Variants in ZNF664 observed in about 807,000 individuals in gnomAD.
The protein encoded by ZNF664 is zinc finger Organ of Corti 1.
ZNF664 carries 10 observed loss-of-function variants against 18.2 expected under a neutral mutation model. The ratio of observed to expected loss-of-function variants is 0.55; its 90% CI spans 0.34 to 0.93. ZNF664 has a LOEUF of 0.93. ZNF664 is among the 40% of genes least tolerant of loss of function. The pLI is 0.02. For missense variants in ZNF664, 193 were observed against 319.0 expected, an observed-to-expected ratio of 0.61 and a Z score of 3.01; for synonymous variants, 119 against 104.2, an observed-to-expected ratio of 1.14 and a Z score of -0.86.
chr12:123,982,952 T>G lies in ZNF664; in HGVS notation c.-756-5091T>G, dbSNP rs150030050. ...GGCAGATGGCTTGAGGCTGGGAGTT[T>G]GAGACCAGCCTGGGCAACATGGCAA... On this transcript the variant is annotated intron_variant, in intron 2 of 4. Transcript: ENST00000337815. Among the ~76,000 whole-genome samples, 11 of 152,200 alleles carry G rather than the reference T, an allele frequency of 7.2e-5. No homozygotes were observed. In the East Asian group the frequency reaches 2.1e-3, roughly 29 times the overall value.
chr12:123,988,778 C>G (rs1282297965), intron 3 of ZNF664, among the ~76,000 whole-genome samples: 1 of 150,926 alleles, frequency 6.6e-6, no homozygotes. Flanking sequence ...TTTTTTTTCC[C>G]TTCTTTGGCT....
At chr12:124,009,993 C>T (rs7307053) in intron 3 of ZNF664, among the ~76,000 whole-genome samples, 45,886 of 151,586 alleles carry the variant, frequency 0.3, 7,084 homozygotes, top group Middle Eastern at 0.34. Flanking sequence ...ATACTCGACT[C>T]GGCTAGTTCC....
chr12:123,988,190 A>T, intron 3 of ZNF664, 52 bp downstream of exon 3: 1 of 1,230,168 alleles, frequency 8.1e-7, no homozygotes, highest in Non-Finnish European at 1.0e-6. Context: ...ATCCCCCTTG[A>T]GTATTTTAAG....
At chr12:124,004,793 A>G (rs1957052122) in intron 3 of ZNF664, 1 of 152,714 alleles carries the variant, frequency 6.5e-6, no homozygotes, top group Admixed American at 6.5e-5. Flanking sequence ...CCTGTTGTAA[A>G]CTGTACACGC....
intron 3 of ZNF664, among the ~76,000 whole-genome samples, chr12:124,008,584 TTC>T (rs1957099727): frequency 6.6e-6 from 1 of 152,242 alleles, no homozygotes; most frequent in African/African-American, 2.4e-5. Flanking sequence ...GGATAGATGC[TTC>T]TCTCCATTTA....
At chr12:123,977,125 AGTG>A (rs1451241938) in intron 2 of ZNF664, among the ~76,000 whole-genome samples, 1 of 152,202 alleles carries the variant, frequency 6.6e-6, no homozygotes, top group Non-Finnish European at 1.5e-5. Context: ...ATTTTTAAGA[AGTG>A]GGGATAAATA....
At chr12:124,008,472 T>C (rs1957098723) in intron 3 of ZNF664, among the ~76,000 whole-genome samples, 1 of 152,234 alleles carries the variant, frequency 6.6e-6, no homozygotes, top group Non-Finnish European at 1.5e-5. Context: ...GCCGCTTTTT[T>C]CACCCATTGC....
At chr12:123,975,466 C>T (rs1261040914) in intron 2 of ZNF664, among the ~76,000 whole-genome samples, 4 of 150,870 alleles carry the variant, frequency 2.7e-5, no homozygotes, top group African/African-American at 7.3e-5. Context: ...TTTCTGTTGC[C>T]GTGGCTGGAG....
chr12:123,974,764 G>A (rs1309664292), intron 2 of ZNF664, among the ~76,000 whole-genome samples: 2 of 152,186 alleles, frequency 1.3e-5, no homozygotes, highest in African/African-American at 2.4e-5. Flanking sequence ...TTCAATGTTA[G>A]CATGTAATGC....
At chr12:124,006,437 T>C (rs1306778325) in intron 3 of ZNF664, among the ~76,000 whole-genome samples, 1 of 152,244 alleles carries the variant, frequency 6.6e-6, no homozygotes, top group Non-Finnish European at 1.5e-5. Flanking sequence ...CGTCTTCAGG[T>C]TCCCCTTTCT....
chr12:123,985,701 T>G (rs1396266542), intron 2 of ZNF664, among the ~76,000 whole-genome samples: 1 of 152,210 alleles, frequency 6.6e-6, no homozygotes, highest in African/African-American at 2.4e-5. Context: ...GGCGTACAGT[T>G]TAAGCATACA....
At chr12:124,000,872 CCT>C (rs1049568682) in intron 3 of ZNF664, among the ~76,000 whole-genome samples, 3 of 152,136 alleles carry the variant, frequency 2.0e-5, no homozygotes, top group Admixed American at 6.5e-5. Flanking sequence ...ATTCCCTCCC[CCT>C]GTTTAAGTTA....
intron 2 of ZNF664, among the ~76,000 whole-genome samples, chr12:123,985,752 AAACACGTCCGCTGCTGTGGGACT>A (rs1018620562): frequency 6.6e-6 from 1 of 152,196 alleles, no homozygotes; most frequent in African/African-American, 2.4e-5. Flanking sequence ...GCTTAGGCCC[AAACACGTCCGCTGCTGTGGGACT>A]GGTGCGAAGA....
At chr12:123,982,884 G>A (rs974860171) in intron 2 of ZNF664, among the ~76,000 whole-genome samples, 1 of 152,220 alleles carries the variant, frequency 6.6e-6, no homozygotes, top group Non-Finnish European at 1.5e-5. Flanking sequence ...ACTGGGCATG[G>A]TGGCTCATGC....
At chr12:123,983,201 G>C (rs1318031602) in intron 2 of ZNF664, among the ~76,000 whole-genome samples, 2 of 152,206 alleles carry the variant, frequency 1.3e-5, no homozygotes, top group Non-Finnish European at 2.9e-5. Context: ...CCATGTGGGA[G>C]AGTCACAAGG....
intron 3 of ZNF664, among the ~76,000 whole-genome samples, chr12:124,005,524 T>TGA (rs1555272969): frequency 0.05 from 7,347 of 147,046 alleles, 257 homozygotes; most frequent in East Asian, 0.07. Flanking sequence ...TGTGTGTGTG[T>TGA]GAGAGATAGG....
At chr12:123,988,277 T>A (rs1956847821) in intron 3 of ZNF664, 139 bp downstream of exon 3, 1 of 656,596 alleles carries the variant, frequency 1.5e-6, no homozygotes, top group African/African-American at 1.9e-5. Flanking sequence ...GTGCACGCTC[T>A]TCCTGACCTC....
At chr12:123,974,935 C>G (rs1254023951) in intron 2 of ZNF664, among the ~76,000 whole-genome samples, 1 of 152,184 alleles carries the variant, frequency 6.6e-6, no homozygotes, top group East Asian at 1.9e-4. Context: ...GATAGGAGCA[C>G]AGATCTACGC....
At chr12:123,987,871 G>A (rs961109425) in intron 2 of ZNF664, 172 bp from the exon 3 acceptor site, 2 of 790,700 alleles carry the variant, frequency 2.5e-6, no homozygotes, top group Non-Finnish European at 3.1e-6. Context: ...CCCTTCTTTG[G>A]ACCTCCATGC....
Sources: gnomAD v4.1 joint callset for allele counts (sites outside exome capture counted in the v4.1 genomes callset) on GRCh38, gnomAD v4.1.1 for gene constraint, MANE v1.5 for transcripts, NCBI Gene and HGNC (gene_info 2026-07-23, HGNC 2026-07-21) for gene names.